ADD1: variants seen among roughly 807,000 people sequenced by gnomAD.
The protein encoded by ADD1 is adducin 1, also known as alpha-adducin.
A neutral mutation model predicts 80.5 loss-of-function variants in ADD1; 24 were observed. That is an observed-to-expected ratio of 0.30 (90% CI 0.22 to 0.42). The LOEUF (loss-of-function observed/expected upper bound fraction) is 0.42. Ranked by LOEUF, ADD1 falls within the 10% of genes least tolerant of loss-of-function variation. The pLI, the probability that ADD1 is intolerant of heterozygous loss-of-function variation, is 1.00. For synonymous variants in ADD1, 373 were observed against 393.8 expected, an observed-to-expected ratio of 0.95 and a Z score of 0.63; for missense variants, 948 against 1,019.0, an observed-to-expected ratio of 0.93 and a Z score of 0.95.
intron 1 of ADD1, among the ~76,000 whole-genome samples, chr4:2,873,061 C>T (rs1730708310): frequency 6.6e-6 from 1 of 151,916 alleles, no homozygotes; most frequent in African/African-American, 2.4e-5. Context: ...CGGCATGACT[C>T]AGCTCACTGC....
At chr4:2,861,213 C>T (rs1728776086) in intron 1 of ADD1, among the ~76,000 whole-genome samples, 2 of 151,928 alleles carry the variant, frequency 1.3e-5, no homozygotes, top group African/African-American at 4.8e-5. Context: ...AGCAAGGGAG[C>T]GTGGGGGCTG....
chr4:2,903,019 C>CT (rs1396301719), intron 9 of ADD1: 1 of 149,724 alleles, frequency 6.7e-6, no homozygotes, highest in African/African-American at 2.5e-5. Context: ...GAGTGAGACT[C>CT]TGTCTCAAAA....
At chr4:2,883,077 G>A (rs929970901) in intron 3 of ADD1, among the ~76,000 whole-genome samples, 2 of 152,020 alleles carry the variant, frequency 1.3e-5, no homozygotes, top group Admixed American at 6.6e-5. Flanking sequence ...GGCCATGCTG[G>A]TCTCAAACTC....
intron 1 of ADD1, among the ~76,000 whole-genome samples, chr4:2,862,987 C>A (rs1424998046): frequency 6.6e-6 from 1 of 152,144 alleles, no homozygotes; most frequent in East Asian, 1.9e-4. Context: ...TGCCACTTCT[C>A]TCCATGACCC....
chr4:2,914,492 A>G (rs1373076669), intron 13 of ADD1, among the ~76,000 whole-genome samples: 2 of 152,230 alleles, frequency 1.3e-5, no homozygotes, highest in African/African-American at 4.8e-5. Context: ...ACCTCGTGAC[A>G]GTTTCTGATG....
At chr4:2,852,898 G>A (rs923110632) in intron 1 of ADD1, among the ~76,000 whole-genome samples, 10 of 151,346 alleles carry the variant, frequency 6.6e-5, no homozygotes, top group African/African-American at 1.9e-4. Flanking sequence ...TAGAGCCAAG[G>A]CCTTGCTATG....
At chr4:2,921,150 C>T (rs1319653808) in intron 14 of ADD1, among the ~76,000 whole-genome samples, 2 of 151,720 alleles carry the variant, frequency 1.3e-5, no homozygotes, top group Non-Finnish European at 2.9e-5. Flanking sequence ...TTTTTTGAGA[C>T]GGAGTCTTGC....
At chr4:2,903,992 A>C (rs1171563889) in intron 9 of ADD1, among the ~76,000 whole-genome samples, 2 of 152,224 alleles carry the variant, frequency 1.3e-5, no homozygotes, top group Non-Finnish European at 1.5e-5. Context: ...AGTTGTCATG[A>C]GGTATACTTA....
At chr4:2,908,787 G>C in intron 12 of ADD1, 183 bp downstream of exon 12, 4 of 610,574 alleles carry the variant, frequency 6.6e-6, no homozygotes, top group Non-Finnish European at 5.8e-6. Context: ...TAGAAGGAGC[G>C]AGCATGCTGA....
intron 14 of ADD1, among the ~76,000 whole-genome samples, chr4:2,922,806 C>T (rs936884831): frequency 6.6e-6 from 1 of 152,242 alleles, no homozygotes; most frequent in Non-Finnish European, 1.5e-5. Context: ...CTGACTGGGG[C>T]TGCTGCCTTT....
chr4:2,847,161 G>A (rs138861203), intron 1 of ADD1, among the ~76,000 whole-genome samples: 4 of 151,912 alleles, frequency 2.6e-5, no homozygotes, highest in East Asian at 1.9e-4. Flanking sequence ...AGGTGCGGTC[G>A]CTCACAATCC....
intron 1 of ADD1, among the ~76,000 whole-genome samples, chr4:2,864,146 C>T (rs769529195): frequency 6.6e-6 from 1 of 152,220 alleles, no homozygotes; most frequent in Non-Finnish European, 1.5e-5. Flanking sequence ...GGCGTGGTGG[C>T]TCACGCCTTT....
chr4:2,863,474 C>G (rs1729103806), intron 1 of ADD1, among the ~76,000 whole-genome samples: 1 of 151,928 alleles, frequency 6.6e-6, no homozygotes, highest in Non-Finnish European at 1.5e-5. Context: ...TTTTGGAGAC[C>G]AAGTGTTATG....
intron 1 of ADD1, among the ~76,000 whole-genome samples, chr4:2,875,209 G>A (rs1262109053): frequency 6.6e-6 from 1 of 152,038 alleles, no homozygotes; most frequent in Non-Finnish European, 1.5e-5. Flanking sequence ...AGCCTCGGTG[G>A]CAGAACAAGA....
Position 2,868,990 on chromosome 4 carries a change from C to T in ADD1, c.-20-6906C>T, listed in dbSNP as rs78844961. 2.3e-3 allele frequency among the ~76,000 whole-genome samples: 343 copies of T among 152,258 alleles called. 1 individual carries two copies. Among genetic ancestry groups the T allele is most frequent in the Middle Eastern group, 3.4e-3 (1 of 294 alleles). On this transcript the variant is annotated intron_variant, in intron 1 of 15. Transcript: ENST00000683351. ...GCCAGGTACTGCATGTGAAATCAGA[C>T]GACGGTTGACTGCGCTCACTCTGCT...
intron 13 of ADD1, among the ~76,000 whole-genome samples, chr4:2,909,805 G>A (rs1362796529): frequency 1.3e-5 from 2 of 151,878 alleles, no homozygotes; most frequent in Non-Finnish European, 2.9e-5. Flanking sequence ...GCTGTTGGCA[G>A]CGGCCACTCC....
Position 2,905,113 on chromosome 4 carries a change from G to T in ADD1, c.1506+5G>T. On this transcript the variant is annotated splice_donor_5th_base_variant and intron_variant, in intron 10 of 15. Coordinates refer to ENST00000683351, the MANE Select transcript of ADD1 (RefSeq NM_001354761.2). ...AGCTGTATTACCAACTGCTTGGTCT[G>T]TGCCTACCTTACTGTTCATAGTTAG... is the stretch of plus-strand genomic sequence containing the variant. 1 of 1,613,878 alleles carries T rather than the reference G, an allele frequency of 6.2e-7. No homozygotes were observed. The highest frequency in any genetic ancestry group is 8.5e-7 in the Non-Finnish European group (1 of 1,179,782).
chr4:2,875,555 C>T (rs990138248), intron 1 of ADD1, among the ~76,000 whole-genome samples: 2 of 152,202 alleles, frequency 1.3e-5, no homozygotes. Flanking sequence ...CTGTGTGGAA[C>T]AAATCATGTC....
intron 1 of ADD1, among the ~76,000 whole-genome samples, chr4:2,852,419 C>T (rs1475506927): frequency 6.7e-6 from 1 of 149,096 alleles, no homozygotes; most frequent in Non-Finnish European, 1.5e-5. Context: ...CTCCGCCTCC[C>T]GGGTTCAAGC....
Sources: gnomAD v4.1 joint callset for allele counts (sites outside exome capture counted in the v4.1 genomes callset) on GRCh38, gnomAD v4.1.1 for gene constraint, MANE v1.5 for transcripts, NCBI Gene and HGNC (gene_info 2026-07-23, HGNC 2026-07-21) for gene names.